The following MEIS2 variants were observed in gnomAD, a reference collection of about 807,000 sequenced individuals.
MEIS2 encodes the protein homeobox protein Meis2.
In MEIS2, 9 loss-of-function variants were observed where a neutral mutation model predicts 58.6. The observed-to-expected ratio is 0.15, with a 90% confidence interval of 0.09 to 0.27. The LOEUF is 0.27. Ranked by LOEUF, MEIS2 falls within the 10% of genes least tolerant of loss-of-function variation. The probability of loss-of-function intolerance (pLI) is 1.00; values close to 1 mark genes in which losing one functional copy is unlikely to be tolerated. For missense variants in MEIS2, 427 were observed against 635.0 expected (o/e 0.67, Z 3.52); for synonymous variants, 221 against 228.4 (o/e 0.97, Z 0.29).
At chr15:37,030,925 GC>G (rs1440263959) in intron 8 of MEIS2, among the ~76,000 whole-genome samples, 4 of 152,272 alleles carry the variant, frequency 2.6e-5, no homozygotes, top group African/African-American at 9.6e-5. Context: ...AAAGGCATAA[GC>G]CACTGCACCG....
At chr15:37,076,930 C>A (rs1216479444) in intron 7 of MEIS2, among the ~76,000 whole-genome samples, 3 of 152,042 alleles carry the variant, frequency 2.0e-5, no homozygotes, top group Admixed American at 1.3e-4. Flanking sequence ...CACTTCCTCA[C>A]AATGTCTGGT....
chr15:37,056,916 C>T (rs906899153), intron 7 of MEIS2, among the ~76,000 whole-genome samples: 1 of 152,190 alleles, frequency 6.6e-6, no homozygotes. Context: ...CAATGATTTC[C>T]GCCTTAACGC....
chr15:37,043,490 A>C (rs1168311761), intron 7 of MEIS2, among the ~76,000 whole-genome samples: 1 of 152,160 alleles, frequency 6.6e-6, no homozygotes, highest in Non-Finnish European at 1.5e-5. Context: ...TTTTAAACCT[A>C]AATTTATGTA....
chr15:36,956,887 T>TTA (rs1206860531), intron 8 of MEIS2, among the ~76,000 whole-genome samples: 11 of 112,012 alleles, frequency 9.8e-5, no homozygotes, highest in Non-Finnish European at 2.0e-4. Flanking sequence ...AAATGATTGT[T>TTA]AAAAAAAAAA....
chr15:36,970,381 G>A (rs1327275215), intron 8 of MEIS2, among the ~76,000 whole-genome samples: 1 of 150,286 alleles, frequency 6.7e-6, no homozygotes, highest in South Asian at 2.1e-4. Context: ...TCCAGCCTGG[G>A]CGACAGAGCA....
At chr15:37,090,410 T>G (rs1396493500) in intron 6 of MEIS2, among the ~76,000 whole-genome samples, 1 of 152,172 alleles carries the variant, frequency 6.6e-6, no homozygotes, top group African/African-American at 2.4e-5. Flanking sequence ...TGTCTTCTTC[T>G]AATGCATCTG....
intron 9 of MEIS2, among the ~76,000 whole-genome samples, chr15:36,909,484 C>T (rs1467308128): frequency 6.6e-6 from 1 of 152,118 alleles, no homozygotes; most frequent in African/African-American, 2.4e-5. Context: ...TAAGGATTTT[C>T]TTGTTCTCAT....
intron 5 of MEIS2, 78 bp downstream of exon 5, chr15:37,094,449 G>T: frequency 7.1e-7 from 1 of 1,414,052 alleles, no homozygotes; most frequent in Non-Finnish European, 9.9e-7. Flanking sequence ...TCACACTAGA[G>T]GTTTGTTAAA....
rs193218320 is a variant in MEIS2 at position 36,935,089 on chromosome 15, T to C, written c.977+15235A>G. On this transcript the variant is annotated intron_variant, in intron 9 of 11. Coordinates refer to ENST00000561208, the MANE Select transcript of MEIS2 (RefSeq NM_170675.5). ...TTAGAGTCCAAGGTCACAGATTCAG[T>C]ATGGTAGTGGGAGCCACTTAGCTGG... 1.5e-3 allele frequency among the ~76,000 whole-genome samples: 233 copies of C among 152,270 alleles called. 1 individual carries two copies. The highest frequency in any genetic ancestry group is 2.9e-4 in the Non-Finnish European group (20 of 68,016).
At chr15:36,996,417 A>ATT (rs997005446) in intron 8 of MEIS2, among the ~76,000 whole-genome samples, 8 of 151,460 alleles carry the variant, frequency 5.3e-5, no homozygotes, top group Non-Finnish European at 1.0e-4. Flanking sequence ...CTCCTCCCCT[A>ATT]TTTTTTTTAT....
At chr15:37,087,713 T>C (rs1048694958) in intron 6 of MEIS2, among the ~76,000 whole-genome samples, 1 of 152,152 alleles carries the variant, frequency 6.6e-6, no homozygotes, top group African/African-American at 2.4e-5. Context: ...GCCTCTCTTG[T>C]TGAAGTTGCA....
chr15:37,038,981 C>G (rs1488954501), intron 7 of MEIS2, among the ~76,000 whole-genome samples: 1 of 152,188 alleles, frequency 6.6e-6, no homozygotes, highest in Non-Finnish European at 1.5e-5. Context: ...TGGATGTGCT[C>G]TCCAAAATAC....
intron 7 of MEIS2, among the ~76,000 whole-genome samples, chr15:37,045,819 G>A (rs1231388880): frequency 4.6e-5 from 7 of 152,248 alleles, no homozygotes; most frequent in East Asian, 1.9e-4. Flanking sequence ...AAATGCTTTC[G>A]TTTACATGCA....
At chr15:36,996,682 T>C (rs2060532753) in intron 8 of MEIS2, among the ~76,000 whole-genome samples, 2 of 152,140 alleles carry the variant, frequency 1.3e-5, no homozygotes, top group East Asian at 1.9e-4. Context: ...ACAAGAGACA[T>C]GGAGCAGATG....
At chr15:37,000,123 C>T (rs1406283241) in intron 8 of MEIS2, among the ~76,000 whole-genome samples, 1 of 152,122 alleles carries the variant, frequency 6.6e-6, no homozygotes, top group African/African-American at 2.4e-5. Context: ...AAGGCAATCA[C>T]CTCATTATTA....
intron 8 of MEIS2, among the ~76,000 whole-genome samples, chr15:36,986,200 C>G (rs1395633052): frequency 6.6e-6 from 1 of 152,114 alleles, no homozygotes; most frequent in Non-Finnish European, 1.5e-5. Flanking sequence ...GGTTTCATAC[C>G]TCTCCCTAGT....
intron 9 of MEIS2, among the ~76,000 whole-genome samples, chr15:36,924,386 C>T (rs16964327): frequency 0.058 from 8,781 of 152,230 alleles, 371 homozygotes; most frequent in African/African-American, 0.11. Flanking sequence ...GCAGAGTTCC[C>T]TTTCACCAAA....
At chr15:36,983,111 G>A (rs535302694) in intron 8 of MEIS2, among the ~76,000 whole-genome samples, 2 of 152,108 alleles carry the variant, frequency 1.3e-5, no homozygotes, top group Admixed American at 1.3e-4. Flanking sequence ...TATTCACTCT[G>A]TTGATTGTTT....
intron 8 of MEIS2, among the ~76,000 whole-genome samples, chr15:36,962,264 CATTCATATAT>C (rs2059211199): frequency 6.6e-6 from 1 of 152,170 alleles, no homozygotes; most frequent in African/African-American, 2.4e-5. Context: ...ATGTGAATGG[CATTCATATAT>C]CAGAATAAGG....
Sources: allele counts gnomAD v4.1 joint callset (sites outside exome capture counted in the v4.1 genomes callset), GRCh38; gene constraint gnomAD v4.1.1; transcripts MANE v1.5; gene names NCBI Gene and HGNC (gene_info 2026-07-23, HGNC 2026-07-21).